The following SLC71A2 variants were observed in gnomAD, a reference collection of about 807,000 sequenced individuals.
SLC71A2 encodes the protein hippocampus abundant transcript-like 1.
the SLC71A2 span, among the ~76,000 whole-genome samples, chr9:94,383,266 G>A: frequency 1.4e-5 from 2 of 145,610 alleles, no homozygotes; most frequent in South Asian, 4.4e-4. Flanking sequence ...AGGTTCAAGC[G>A]ATTCTCCTGC....
At chr9:94,432,201 TA>T in the SLC71A2 span, among the ~76,000 whole-genome samples, 4 of 151,258 alleles carry the variant, frequency 2.6e-5, no homozygotes, top group South Asian at 6.3e-4. Context: ...CACATTGCAT[TA>T]AAAAAAAGTC....
At chr9:94,424,857 G>A in the SLC71A2 span, among the ~76,000 whole-genome samples, 7 of 141,742 alleles carry the variant, frequency 4.9e-5, no homozygotes, top group Non-Finnish European at 9.1e-5. Flanking sequence ...CTCCTGCCCC[G>A]ACCTCCTGAG....
At chr9:94,425,469 G>T in the SLC71A2 span, among the ~76,000 whole-genome samples, 1 of 152,200 alleles carries the variant, frequency 6.6e-6, no homozygotes, top group East Asian at 1.9e-4. Context: ...TGAGGAAAAT[G>T]AGCCACACTA....
chr9:94,403,763 C>G, the SLC71A2 span, among the ~76,000 whole-genome samples: 1 of 152,088 alleles, frequency 6.6e-6, no homozygotes, highest in Non-Finnish European at 1.5e-5. Context: ...TCCATAGGGG[C>G]TGCACCATTT....
the SLC71A2 span, among the ~76,000 whole-genome samples, chr9:94,417,202 T>C: frequency 6.6e-6 from 1 of 152,212 alleles, no homozygotes; most frequent in African/African-American, 2.4e-5. Flanking sequence ...AGAAAAATTA[T>C]GGTAAAATAC....
chr9:94,400,667 A>G, the SLC71A2 span, among the ~76,000 whole-genome samples: 2 of 151,710 alleles, frequency 1.3e-5, no homozygotes, highest in Non-Finnish European at 2.9e-5. Flanking sequence ...TTGTACTGCA[A>G]TTAGATTCTT....
the SLC71A2 span, among the ~76,000 whole-genome samples, chr9:94,390,790 G>A: frequency 5.3e-5 from 8 of 152,172 alleles, no homozygotes; most frequent in Admixed American, 5.2e-4. Flanking sequence ...GCTGGAAAGC[G>A]TCGGGTAGTA....
chr9:94,439,975 T>G, the SLC71A2 span, among the ~76,000 whole-genome samples: 1 of 152,176 alleles, frequency 6.6e-6, no homozygotes, highest in Non-Finnish European at 1.5e-5. Context: ...GTGAAGATTT[T>G]GGGCTTATTT....
the SLC71A2 span, among the ~76,000 whole-genome samples, chr9:94,376,285 A>C: frequency 6.7e-6 from 1 of 149,490 alleles, no homozygotes; most frequent in Non-Finnish European, 1.5e-5. Context: ...TACTTAAAAC[A>C]ATCAGAAAGT....
chr9:94,426,977 A>AGGT, the SLC71A2 span, among the ~76,000 whole-genome samples: 1 of 152,200 alleles, frequency 6.6e-6, no homozygotes, highest in African/African-American at 2.4e-5. Flanking sequence ...CTAGGATTAC[A>AGGT]GGTGTATGCC....
the SLC71A2 span, among the ~76,000 whole-genome samples, chr9:94,383,218 A>G: frequency 7.8e-6 from 1 of 129,032 alleles, no homozygotes; most frequent in African/African-American, 3.0e-5. Flanking sequence ...GCTAGAGTGC[A>G]GTGGCGCAAT....
the SLC71A2 span, chr9:94,456,446 A>G: frequency 2.1e-5 from 16 of 772,588 alleles, no homozygotes; most frequent in South Asian, 4.5e-5. Context: ...CGACAGCCAT[A>G]TGGCCCCTTT....
the SLC71A2 span, among the ~76,000 whole-genome samples, chr9:94,411,892 A>G: frequency 6.6e-6 from 1 of 152,166 alleles, no homozygotes; most frequent in Non-Finnish European, 1.5e-5. Flanking sequence ...CCCCTGGCCC[A>G]GAGTTAATTT....
the SLC71A2 span, among the ~76,000 whole-genome samples, chr9:94,393,740 C>A: frequency 6.8e-6 from 1 of 146,922 alleles, no homozygotes; most frequent in Non-Finnish European, 1.5e-5. Flanking sequence ...ATTAGGGCCC[C>A]GCATAATATC....
chr9:94,429,373 T>G, the SLC71A2 span: 2 of 1,433,492 alleles, frequency 1.4e-6, no homozygotes, highest in East Asian at 2.4e-5. Context: ...GGCTGAAATC[T>G]AAATTTTTAG....
At chr9:94,411,205 C>G in the SLC71A2 span, among the ~76,000 whole-genome samples, 2 of 147,270 alleles carry the variant, frequency 1.4e-5, no homozygotes, top group Non-Finnish European at 3.0e-5. Context: ...TTGTGGTTAC[C>G]TTTACATATT....
the SLC71A2 span, among the ~76,000 whole-genome samples, chr9:94,432,465 A>G: frequency 6.6e-6 from 1 of 152,124 alleles, no homozygotes; most frequent in Non-Finnish European, 1.5e-5. Flanking sequence ...GTGCCATTGC[A>G]CTCCAGCCTG....
At chr9:94,445,027 A>T in the SLC71A2 span, 2 of 1,614,182 alleles carry the variant, frequency 1.2e-6, no homozygotes, top group Non-Finnish European at 1.7e-6. Context: ...TCTTTCTGCC[A>T]GTTACGGAGA....
chr9:94,459,648 C>T, the SLC71A2 span: 1 of 457,478 alleles, frequency 2.2e-6, no homozygotes, highest in Admixed American at 3.7e-5. Flanking sequence ...GAAATACTTC[C>T]TTGCAAATAA....
Sources: allele counts gnomAD v4.1 joint callset (sites outside exome capture counted in the v4.1 genomes callset), GRCh38; gene constraint gnomAD v4.1.1; transcripts MANE v1.5; gene names NCBI Gene and HGNC (gene_info 2026-07-23, HGNC 2026-07-21).